Variants in RSRC1 observed in about 807,000 individuals in gnomAD.
The protein encoded by RSRC1 is serine/Arginine-related protein 53.
In RSRC1, 39 loss-of-function variants were observed where a neutral mutation model predicts 49.1. That is an observed-to-expected ratio of 0.79 (90% CI 0.61 to 1.04). RSRC1 has a LOEUF of 1.04. Among genes scored for constraint, RSRC1 ranks in the 50% least tolerant of loss-of-function variants. The pLI, the probability that RSRC1 is intolerant of heterozygous loss-of-function variation, is 0.00. For synonymous variants in RSRC1, 143 were observed against 130.8 expected (o/e 1.09, Z -0.63); for missense variants, 388 against 402.4 (o/e 0.96, Z 0.31).
At chr3:158,296,127 C>T (rs1345259774) in intron 4 of RSRC1, among the ~76,000 whole-genome samples, 3 of 152,006 alleles carry the variant, frequency 2.0e-5, no homozygotes, top group Non-Finnish European at 2.9e-5. Context: ...TGAATCTGAT[C>T]ATTTTCGTTC....
At chr3:158,407,227 G>T (rs1014609557) in intron 6 of RSRC1, among the ~76,000 whole-genome samples, 4 of 152,076 alleles carry the variant, frequency 2.6e-5, no homozygotes, top group African/African-American at 9.7e-5. Flanking sequence ...AAACATATTT[G>T]CCAGAAACAC....
intron 3 of RSRC1, among the ~76,000 whole-genome samples, chr3:158,148,125 G>A (rs1309829088): frequency 2.0e-5 from 3 of 152,080 alleles, no homozygotes; most frequent in South Asian, 2.1e-4. Flanking sequence ...CCTATTATCT[G>A]GGATTATAAA....
chr3:158,281,897 A>G (rs1009133934), intron 4 of RSRC1, among the ~76,000 whole-genome samples: 3 of 152,182 alleles, frequency 2.0e-5, no homozygotes, highest in Non-Finnish European at 2.9e-5. Context: ...TATGAGTAAC[A>G]TGGTAGCTGA....
At position 158,281,134 on chromosome 3, in the gene RSRC1, G is replaced by A. The variant is rs138102343; in HGVS notation, c.495-16905G>A. ...GATAGTTTTTGTGATTACTTAAGAGGTAGAATCAATAGGACTAACTGATAG... is the reference window on the plus strand; with the variant it reads ...GATAGTTTTTGTGATTACTTAAGAGATAGAATCAATAGGACTAACTGATAG... On this transcript the variant is annotated intron_variant, in intron 4 of 9. Coordinates refer to ENST00000611884, the MANE Select transcript of RSRC1 (RefSeq NM_001271838.2). 1.7e-3 allele frequency among the ~76,000 whole-genome samples: 259 copies of A among 152,234 alleles called. 4 individuals are homozygous for A. Among genetic ancestry groups the A allele is most frequent in the African/African-American group, 6.0e-3 (249 of 41,548 alleles).
At chr3:158,543,680 C>G in intron 9 of RSRC1, 193 bp downstream of exon 9, 1 of 486,734 alleles carries the variant, frequency 2.1e-6, no homozygotes, top group East Asian at 3.4e-5. Flanking sequence ...GGGTCCAACT[C>G]ATGTTGCCTA....
intron 4 of RSRC1, among the ~76,000 whole-genome samples, chr3:158,273,428 G>A (rs751433800): frequency 6.6e-6 from 1 of 151,936 alleles, no homozygotes. Context: ...AAAATGTAAG[G>A]TCCTGTAAGT....
chr3:158,226,552 T>C (rs16828808), intron 4 of RSRC1, among the ~76,000 whole-genome samples: 11,614 of 151,996 alleles, frequency 0.076, 532 homozygotes, highest in South Asian at 0.13. Flanking sequence ...CATTGCTGAG[T>C]AGGTCTTTCT....
At chr3:158,335,493 G>C (rs1729834135) in intron 5 of RSRC1, among the ~76,000 whole-genome samples, 1 of 152,170 alleles carries the variant, frequency 6.6e-6, no homozygotes, top group Admixed American at 6.5e-5. Flanking sequence ...AAAGTGATAA[G>C]TTTATGCTTA....
At chr3:158,265,271 T>A (rs915242142) in intron 4 of RSRC1, among the ~76,000 whole-genome samples, 1 of 152,216 alleles carries the variant, frequency 6.6e-6, no homozygotes, top group African/African-American at 2.4e-5. Context: ...TGGTTTTGGT[T>A]GTTCCAGGCA....
At chr3:158,386,578 T>G (rs1732978210) in intron 6 of RSRC1, among the ~76,000 whole-genome samples, 1 of 152,064 alleles carries the variant, frequency 6.6e-6, no homozygotes, top group African/African-American at 2.4e-5. Context: ...ACTATTATTA[T>G]GAAACTAAGG....
intron 2 of RSRC1, 79 bp downstream of exon 2, chr3:158,122,377 C>A: frequency 9.0e-7 from 1 of 1,107,412 alleles, no homozygotes; most frequent in Non-Finnish European, 1.2e-6. Context: ...TTTAATTTTG[C>A]TAGATAAAAC....
intron 6 of RSRC1, among the ~76,000 whole-genome samples, chr3:158,458,046 A>G (rs752006964): frequency 3.3e-5 from 5 of 152,154 alleles, no homozygotes; most frequent in African/African-American, 4.8e-5. Flanking sequence ...AAAACAAGCC[A>G]AAGAAGGATT....
intron 6 of RSRC1, among the ~76,000 whole-genome samples, chr3:158,365,771 A>T (rs1316442939): frequency 6.6e-6 from 1 of 152,218 alleles, no homozygotes; most frequent in Non-Finnish European, 1.5e-5. Flanking sequence ...CCAACATTGT[A>T]AAAGCATTTC....
chr3:158,332,431 T>C (rs1729601047), intron 5 of RSRC1, among the ~76,000 whole-genome samples: 1 of 108,030 alleles, frequency 9.3e-6, no homozygotes, highest in Non-Finnish European at 2.0e-5. Context: ...AAGTTTCACC[T>C]CTTAAAATAA....
chr3:158,363,119 T>C (rs988514398), intron 6 of RSRC1, among the ~76,000 whole-genome samples: 4 of 152,170 alleles, frequency 2.6e-5, no homozygotes, highest in Admixed American at 6.5e-5. Context: ...TCTTTATCTT[T>C]TGACTCATAT....
At chr3:158,466,304 A>G (rs1245180848) in intron 7 of RSRC1, among the ~76,000 whole-genome samples, 1 of 152,218 alleles carries the variant, frequency 6.6e-6, no homozygotes, top group African/African-American at 2.4e-5. Flanking sequence ...TTTCAGTAAG[A>G]TGTTTATGTA....
chr3:158,521,628 T>C (rs1488423387), intron 7 of RSRC1, among the ~76,000 whole-genome samples: 2 of 152,156 alleles, frequency 1.3e-5, no homozygotes, highest in Non-Finnish European at 2.9e-5. Context: ...GTTGTGAAGC[T>C]AGAACTTAGA....
intron 5 of RSRC1, among the ~76,000 whole-genome samples, chr3:158,354,021 C>T (rs6787212): frequency 0.11 from 8,998 of 80,412 alleles, 1,146 homozygotes; most frequent in African/African-American, 0.34. Context: ...TTTTTTGAGA[C>T]GGAGTCTTGC....
At chr3:158,318,367 T>C (rs745637079) in intron 5 of RSRC1, among the ~76,000 whole-genome samples, 4 of 152,300 alleles carry the variant, frequency 2.6e-5, no homozygotes, top group Non-Finnish European at 5.9e-5. Flanking sequence ...TGAAACCCTG[T>C]CTCTACCAAA....
Sources: allele counts gnomAD v4.1 joint callset (sites outside exome capture counted in the v4.1 genomes callset), GRCh38; gene constraint gnomAD v4.1.1; transcripts MANE v1.5; gene names NCBI Gene and HGNC (gene_info 2026-07-23, HGNC 2026-07-21).